TLN2: variants seen among roughly 807,000 people sequenced by gnomAD.
The protein encoded by TLN2 is talin 2.
In TLN2, 118 loss-of-function variants were observed where a neutral mutation model predicts 294.7. The ratio of observed to expected loss-of-function variants is 0.40; its 90% confidence interval spans 0.34 to 0.47. The LOEUF (loss-of-function observed/expected upper bound fraction) is 0.47. Ranked by LOEUF, TLN2 falls within the 20% of genes least tolerant of loss-of-function variation. The pLI is 0.84. For synonymous variants in TLN2, 1,431 were observed against 1,304.5 expected, an observed-to-expected ratio of 1.10 and a Z score of -2.09; for missense variants, 3,083 against 3,282.2, an observed-to-expected ratio of 0.94 and a Z score of 1.48.
chr15:62,736,931 C>T lies in TLN2; in HGVS notation c.3412C>T (p.Arg1138Cys), dbSNP rs1286838870. 3.1e-6 allele frequency: 5 copies of T among 1,614,212 alleles called. No homozygotes were observed. In the South Asian group the frequency reaches 3.3e-5, roughly 11 times the overall value. Residue 1138 changes from arginine (R) to cysteine (C), a missense_variant, in exon 29 of 59, where the codon CGT (arginine) becomes TGT (cysteine). Coordinates refer to ENST00000636159, the MANE Select transcript of TLN2 (RefSeq NM_015059.3). ...TCTGAAAACACTGGCCCAGGCCGCC[C>T]GTGGAGTGGCTGCATCGACAACCGA... is the stretch of plus-strand genomic sequence containing the variant. ...QALKTLAQAARGVAASTTDPA... is the reference protein window; with the variant it reads ...QALKTLAQAACGVAASTTDPA...
At chr15:62,782,479 C>T (rs1411795969) in intron 44 of TLN2, among the ~76,000 whole-genome samples, 1 of 152,222 alleles carries the variant, frequency 6.6e-6, no homozygotes, top group Non-Finnish European at 1.5e-5. Context: ...GGAATGTCTC[C>T]AGAGCCAGGT....
chr15:62,417,795 T>C (rs1479304532), intron 1 of TLN2, among the ~76,000 whole-genome samples: 1 of 152,240 alleles, frequency 6.6e-6, no homozygotes, highest in East Asian at 1.9e-4. Flanking sequence ...GGAGGAATTA[T>C]GCATTCATTG....
At chr15:62,700,847 C>A (rs1037535361) in intron 16 of TLN2, among the ~76,000 whole-genome samples, 2 of 152,144 alleles carry the variant, frequency 1.3e-5, no homozygotes, top group Non-Finnish European at 2.9e-5. Context: ...GAATTTTTCT[C>A]CCTAAGATCT....
chr15:62,750,019 T>C (rs1401990394), intron 33 of TLN2, among the ~76,000 whole-genome samples: 1 of 152,246 alleles, frequency 6.6e-6, no homozygotes, highest in Non-Finnish European at 1.5e-5. Context: ...GAATGGCCTT[T>C]TGAAATTTAA....
chr15:62,611,899 A>G (rs773165956), intron 2 of TLN2, among the ~76,000 whole-genome samples: 3 of 152,206 alleles, frequency 2.0e-5, no homozygotes, highest in Non-Finnish European at 4.4e-5. Context: ...ATTAAATGAA[A>G]CACCATTTTG....
At chr15:62,815,211 A>ACACACACACACACACACACACT (rs2067015350) in intron 52 of TLN2, among the ~76,000 whole-genome samples, 2 of 151,098 alleles carry the variant, frequency 1.3e-5, no homozygotes, top group Admixed American at 6.6e-5. Flanking sequence ...ACACACACAC[A>ACACACACACACACACACACACT]CACACACACA....
chr15:62,587,727 C>T (rs1332934202), intron 1 of TLN2, among the ~76,000 whole-genome samples: 1 of 152,112 alleles, frequency 6.6e-6, no homozygotes, highest in Non-Finnish European at 1.5e-5. Context: ...AAGGGCATGC[C>T]ATCTTATATG....
At chr15:62,838,764 C>G in intron 57 of TLN2, 92 bp from the exon 58 acceptor site, 1 of 1,501,888 alleles carries the variant, frequency 6.7e-7, no homozygotes, top group South Asian at 1.3e-5. Context: ...TCAATTGACT[C>G]ATGGTCTCAC....
chr15:62,438,413 C>T (rs904904404), intron 1 of TLN2, among the ~76,000 whole-genome samples: 1 of 152,146 alleles, frequency 6.6e-6, no homozygotes, highest in Non-Finnish European at 1.5e-5. Context: ...TTCCAGTCAG[C>T]CTCATTCCCC....
intron 1 of TLN2, among the ~76,000 whole-genome samples, chr15:62,467,053 G>A (rs379890): frequency 0.95 from 144,693 of 152,250 alleles, 69,177 homozygotes; most frequent in East Asian, 1. Context: ...AACCTCCCTC[G>A]ATATAGAGAT....
At chr15:62,458,560 T>C (rs938984173) in intron 1 of TLN2, among the ~76,000 whole-genome samples, 9 of 145,468 alleles carry the variant, frequency 6.2e-5, no homozygotes, top group African/African-American at 2.3e-4. Context: ...AAGTATCTTC[T>C]TGAGGGGGCA....
At chr15:62,725,245 A>G in intron 27 of TLN2, 141 bp downstream of exon 27, 1 of 1,295,512 alleles carries the variant, frequency 7.7e-7, no homozygotes, top group South Asian at 1.7e-5. Flanking sequence ...AAGAATGCCC[A>G]GGGCAGCTGG....
chr15:62,753,750 T>A, intron 35 of TLN2, 23 bp from the exon 36 acceptor site: 1 of 1,588,460 alleles, frequency 6.3e-7, no homozygotes, highest in Non-Finnish European at 8.6e-7. Context: ...GCCTGAGCTG[T>A]GGTTTTTCTC....
rs552100444 is a variant in TLN2 at position 62,844,005 on chromosome 15, G to A, written c.*3395G>A. 1 of 152,174 alleles carries A rather than the reference G, an allele frequency of 6.6e-6. No homozygotes were observed. Among genetic ancestry groups the A allele is most frequent in the Non-Finnish European group, 1.5e-5 (1 of 68,066 alleles). 9.4% of individuals were successfully genotyped at this position (152,174 alleles called of 1,614,324 possible). On this transcript the variant is annotated 3_prime_UTR_variant, in exon 59 of 59. Transcript: ENST00000636159. ...CCATTCTCAGATTCCTGGAGGAAAG[G>A]TACCCTCTGTTGACCAAGGGGCTGG...
chr15:62,583,418 CAT>C (rs2045312709), intron 1 of TLN2, among the ~76,000 whole-genome samples: 1 of 152,058 alleles, frequency 6.6e-6, no homozygotes, highest in Non-Finnish European at 1.5e-5. Context: ...TACTGAATAT[CAT>C]AGTTGGTCTA....
chr15:62,456,326 G>A (rs889007716), intron 1 of TLN2, among the ~76,000 whole-genome samples: 1 of 152,106 alleles, frequency 6.6e-6, no homozygotes, highest in Non-Finnish European at 1.5e-5. Context: ...GCGTTTCATC[G>A]GCTCTTCAGA....
intron 1 of TLN2, among the ~76,000 whole-genome samples, chr15:62,572,034 C>G (rs2043911702): frequency 6.6e-6 from 1 of 152,192 alleles, no homozygotes; most frequent in Non-Finnish European, 1.5e-5. Context: ...GGTGCGGAGC[C>G]TTGTGCTGGG....
Position 62,842,405 on chromosome 15 carries a change from C to T in TLN2, c.*1795C>T, listed in dbSNP as rs1033736651. On this transcript the variant is annotated 3_prime_UTR_variant, in exon 59 of 59. Coordinates refer to ENST00000636159, the MANE Select transcript of TLN2 (RefSeq NM_015059.3). Reference sequence around the variant, plus strand: ...GAGCTGATCCAACACCTCATGCCTGCCTTGGCCGGACACTGAGAGGAGGGG... The same window carrying T: ...GAGCTGATCCAACACCTCATGCCTGTCTTGGCCGGACACTGAGAGGAGGGG... 1.3e-5 allele frequency: 2 copies of T among 152,186 alleles called. No homozygotes were observed. Among genetic ancestry groups the T allele is most frequent in the African/African-American group, 4.8e-5 (2 of 41,424 alleles). 9.4% of individuals were successfully genotyped at this position (152,186 alleles called of 1,614,324 possible).
In TLN2 at chr15:62,468,324, G is replaced by A. The variant is rs73426650; in HGVS notation, c.-238+77639G>A. ...CAGAATGATGACAAGGGTGTTGGCT[G>A]TGGGGTCCATGTGAAAGTTAAATTA... On this transcript the variant is annotated intron_variant, in intron 1 of 58. Coordinates refer to ENST00000636159, the MANE Select transcript of TLN2 (RefSeq NM_015059.3). 7.1e-3 allele frequency among the ~76,000 whole-genome samples: 1,074 copies of A among 152,248 alleles called. 11 individuals carry two copies. The highest frequency in any genetic ancestry group is 0.024 in the African/African-American group (992 of 41,526).
Sources: gnomAD v4.1 joint callset for allele counts (sites outside exome capture counted in the v4.1 genomes callset) on GRCh38, gnomAD v4.1.1 for gene constraint, MANE v1.5 for transcripts, NCBI Gene and HGNC (gene_info 2026-07-23, HGNC 2026-07-21) for gene names.